Variants in CDK5RAP2 observed in about 807,000 individuals in gnomAD.
The protein encoded by CDK5RAP2 is CDK5 regulatory subunit-associated protein 2.
In CDK5RAP2, 147 loss-of-function variants were observed where a neutral mutation model predicts 232.9. The observed-to-expected ratio is 0.63, with a 90% confidence interval of 0.55 to 0.72. The LOEUF is 0.72. Among genes scored for constraint, CDK5RAP2 ranks in the 30% least tolerant of loss-of-function variants. The pLI is 0.00. For synonymous variants in CDK5RAP2, 833 were observed against 833.7 expected (o/e 1.00, Z 0.01); for missense variants, 2,195 against 2,231.5 (o/e 0.98, Z 0.33).
chr9:120,424,759 A>G (rs2034783653), intron 25 of CDK5RAP2, among the ~76,000 whole-genome samples: 1 of 149,170 alleles, frequency 6.7e-6, no homozygotes, highest in African/African-American at 2.5e-5. Context: ...GAGTACAGTG[A>G]CACGATCTCG....
chr9:120,571,898 A>C (rs976681211), intron 2 of CDK5RAP2, 76 bp downstream of exon 2: 1 of 1,190,194 alleles, frequency 8.4e-7, no homozygotes, highest in African/African-American at 1.5e-5. Context: ...GAGATATGAA[A>C]GCTCAAGATG....
intron 1 of CDK5RAP2, 32 bp downstream of exon 1, chr9:120,579,888 G>A (rs1460597835): frequency 1.9e-6 from 3 of 1,588,604 alleles, no homozygotes; most frequent in African/African-American, 1.3e-5. Context: ...ACCCCGGCCC[G>A]GTTACCACGA....
intron 28 of CDK5RAP2, 72 bp from the exon 29 acceptor site, chr9:120,411,546 CAGT>C (rs2033851053): frequency 1.2e-6 from 1 of 828,962 alleles, no homozygotes; most frequent in Admixed American, 1.8e-5. Flanking sequence ...TTCTAGAAAG[CAGT>C]TTTAAACAAA....
intron 34 of CDK5RAP2, among the ~76,000 whole-genome samples, chr9:120,401,610 C>CAAAA (rs142588120): frequency 3.6e-4 from 22 of 61,468 alleles, no homozygotes; most frequent in Non-Finnish European, 5.1e-4. Context: ...GACCCTGTCT[C>CAAAA]AAAAAAAAAA....
chr9:120,458,647 A>C, intron 19 of CDK5RAP2, 25 bp from the exon 20 acceptor site: 1 of 1,609,466 alleles, frequency 6.2e-7, no homozygotes. Flanking sequence ...ATTTGGTCAA[A>C]TAATGGAATA....
chr9:120,503,940 G>A (rs1207982342), intron 12 of CDK5RAP2, among the ~76,000 whole-genome samples: 1 of 152,096 alleles, frequency 6.6e-6, no homozygotes, highest in Non-Finnish European at 1.5e-5. Flanking sequence ...CTTAAGGTGT[G>A]GCACGCCCTC....
chr9:120,520,010 A>G (rs897245103), intron 11 of CDK5RAP2, among the ~76,000 whole-genome samples: 4 of 152,262 alleles, frequency 2.6e-5, no homozygotes, highest in African/African-American at 7.2e-5. Context: ...TAAGTCAAGA[A>G]TATGTGGTAT....
chr9:120,506,595 G>A (rs1057124929), intron 12 of CDK5RAP2, among the ~76,000 whole-genome samples: 2 of 152,158 alleles, frequency 1.3e-5, no homozygotes, highest in African/African-American at 4.8e-5. Context: ...TGATTCATGA[G>A]AAGGGTCAAA....
At chr9:120,411,522 G>GT in intron 28 of CDK5RAP2, 48 bp from the exon 29 acceptor site, 1 of 1,004,198 alleles carries the variant, frequency 1.0e-6, no homozygotes, top group South Asian at 1.3e-5. Context: ...CTCCAGATCA[G>GT]TATAGACAGA....
intron 12 of CDK5RAP2, among the ~76,000 whole-genome samples, chr9:120,509,083 T>C (rs2039959030): frequency 6.6e-6 from 1 of 152,144 alleles, no homozygotes; most frequent in African/African-American, 2.4e-5. Flanking sequence ...CAGCCCCAGG[T>C]ATGAGCCACT....
chr9:120,454,046 C>T (rs1184459151), intron 20 of CDK5RAP2, among the ~76,000 whole-genome samples, 173 bp from the exon 21 acceptor site: 2 of 152,184 alleles, frequency 1.3e-5, no homozygotes, highest in Non-Finnish European at 2.9e-5. Flanking sequence ...TCCTGTGTAA[C>T]CTCACGGCAC....
In CDK5RAP2 at chr9:120,402,798, C is replaced by A. The variant is rs2033139663; in HGVS notation, c.5307+8G>T. 2.5e-6 allele frequency: 4 copies of A among 1,613,740 alleles called. No homozygotes were observed. Among genetic ancestry groups the A allele is most frequent in the Non-Finnish European group, 2.5e-6 (3 of 1,180,018 alleles). ...AGCTTGTGCCCCCCAGCTCTGTGGT[C>A]AGGTTACCTTTGTTCCCAGCTCTTG... On this transcript the variant is annotated splice_region_variant and intron_variant, in intron 34 of 37. Coordinates refer to ENST00000349780, the MANE Select transcript of CDK5RAP2 (RefSeq NM_018249.6).
intron 21 of CDK5RAP2, 96 bp from the exon 22 acceptor site, chr9:120,448,222 C>T (rs537530670): frequency 2.1e-5 from 22 of 1,045,094 alleles, no homozygotes; most frequent in Middle Eastern, 2.1e-4. Flanking sequence ...AAACGGAATT[C>T]GAACTGGCTG....
intron 21 of CDK5RAP2, among the ~76,000 whole-genome samples, chr9:120,450,596 G>A (rs1241723448): frequency 6.6e-6 from 1 of 151,992 alleles, no homozygotes; most frequent in Non-Finnish European, 1.5e-5. Flanking sequence ...AAAATATTTG[G>A]GACCCAAGAA....
chr9:120,478,315 T>C (rs1057459542), intron 14 of CDK5RAP2, among the ~76,000 whole-genome samples: 4 of 152,198 alleles, frequency 2.6e-5, no homozygotes, highest in African/African-American at 9.7e-5. Context: ...GATATGTGTA[T>C]AGCATTTTAT....
At position 120,389,243 on chromosome 9, in the gene CDK5RAP2, C is replaced by G; in HGVS notation, c.5675G>C (p.Gly1892Ala). The change falls in exon 38 of 38, where the codon GGC becomes GCC. Residue 1892 changes from glycine to alanine, a missense_variant. Transcript: ENST00000349780. The part of the protein sequence containing the change: ...HPGTCSPSRP[G>A]S Reference sequence around the variant, plus strand: ...ATTGGCTGAAAGTTCTTCTCAGGAGCCTGGTCTGCTGGGACTGCATGTTCC... The same window carrying G: ...ATTGGCTGAAAGTTCTTCTCAGGAGGCTGGTCTGCTGGGACTGCATGTTCC... 6.2e-7 allele frequency: 1 copy of G among 1,612,554 alleles called. No individual in the cohort carries two copies. The highest frequency in any genetic ancestry group is 8.5e-7 in the Non-Finnish European group (1 of 1,179,294).
chr9:120,421,400 T>C (rs937839938), intron 26 of CDK5RAP2, among the ~76,000 whole-genome samples: 5 of 152,186 alleles, frequency 3.3e-5, no homozygotes, highest in African/African-American at 4.8e-5. Flanking sequence ...TTGACAATGC[T>C]GCAATGGGAG....
At chr9:120,401,983 CA>C (rs1314923567) in intron 34 of CDK5RAP2, among the ~76,000 whole-genome samples, 46 of 144,604 alleles carry the variant, frequency 3.2e-4, no homozygotes, top group Non-Finnish European at 5.9e-4. Context: ...GACTCCATCT[CA>C]AAAAAAAAAA....
chr9:120,491,745 A>G (rs549465998), intron 12 of CDK5RAP2, among the ~76,000 whole-genome samples: 1 of 152,320 alleles, frequency 6.6e-6, no homozygotes, highest in South Asian at 2.1e-4. Flanking sequence ...GACAGTCAAC[A>G]ACAGAGAAAT....
Sources: gnomAD v4.1 joint callset for allele counts (sites outside exome capture counted in the v4.1 genomes callset) on GRCh38, gnomAD v4.1.1 for gene constraint, MANE v1.5 for transcripts, NCBI Gene and HGNC (gene_info 2026-07-23, HGNC 2026-07-21) for gene names.